PITPNM3: variants seen among roughly 807,000 people sequenced by gnomAD.
PITPNM3 encodes PITPNM family member 3.
Under a neutral mutation model 102.0 loss-of-function variants are expected in PITPNM3, and 26 were observed. The ratio of observed to expected loss-of-function variants is 0.25; its 90% CI spans 0.19 to 0.35. The LOEUF (loss-of-function observed/expected upper bound fraction) is 0.35. PITPNM3 is among the 10% of genes least tolerant of loss of function. PITPNM3 has a pLI of 1.00. For synonymous variants in PITPNM3, 578 were observed against 558.6 expected, an observed-to-expected ratio of 1.03 and a Z score of -0.49; for missense variants, 1,083 against 1,346.1, an observed-to-expected ratio of 0.80 and a Z score of 3.06.
At position 6,472,580 on chromosome 17, in the gene PITPNM3, T is replaced by C. The variant is rs1178875014; in HGVS notation, c.1429+77A>G. Reference sequence around the variant, plus strand: ...TGCTCAGGTGAGTCACCCTACTCACTGAGAGCTTGGAGGGGTTGAATGGGC... The same window carrying C: ...TGCTCAGGTGAGTCACCCTACTCACCGAGAGCTTGGAGGGGTTGAATGGGC... On this transcript the variant is annotated intron_variant, in intron 11 of 19. Transcript: ENST00000262483. This position sits in a 1 kb window ranked among gnomAD's most constrained non-coding sequence, Gnocchi z 4.1. 9 of 1,529,710 alleles carry C rather than the reference T, an allele frequency of 5.9e-6. No homozygotes were observed. The South Asian group carries it at 8.3e-5, about 14-fold the overall frequency. The allele number at this position is 1,529,710 out of a possible 1,614,324, so 94.8% of individuals were successfully genotyped here.
intron 2 of PITPNM3, among the ~76,000 whole-genome samples, chr17:6,536,839 G>T (rs1043045756): frequency 1.3e-5 from 2 of 152,144 alleles, no homozygotes; most frequent in Non-Finnish European, 2.9e-5. Flanking sequence ...CCTAAATATG[G>T]TGACTTCCCA....
Position 6,522,286 on chromosome 17 carries a change from G to GCGCGCA in PITPNM3, c.226+3069_226+3070insTGCGCG, listed in dbSNP as rs145090085. On this transcript the variant is annotated intron_variant, in intron 3 of 19. Coordinates refer to ENST00000262483, the MANE Select transcript of PITPNM3 (RefSeq NM_031220.4). ...GACCCATGAGGTATATTTAGTGTGC[G>GCGCGCA]CACACACACACACACACACACACAC... 6.9e-3 allele frequency among the ~76,000 whole-genome samples: 1,031 copies of GCGCGCA among 149,308 alleles called. 21 individuals are homozygous for GCGCGCA. Among genetic ancestry groups the GCGCGCA allele is most frequent in the African/African-American group, 0.024 (973 of 40,576 alleles).
intron 18 of PITPNM3, chr17:6,460,714 T>G (rs1276070491): frequency 6.5e-6 from 1 of 153,134 alleles, no homozygotes; most frequent in African/African-American, 2.4e-5. Context: ...CAAAACAGGC[T>G]GTGGGCTGGG....
chr17:6,516,559 G>A (rs1164374544), intron 3 of PITPNM3, among the ~76,000 whole-genome samples: 14 of 78,206 alleles, frequency 1.8e-4, no homozygotes, highest in African/African-American at 2.8e-4. Flanking sequence ...GACAGACTCC[G>A]CCTCAAAAAA....
Position 6,477,223 on chromosome 17 carries a change from C to T in PITPNM3, c.901-10G>A. 1 of 1,613,398 alleles carries T rather than the reference C, an allele frequency of 6.2e-7. No individual in the cohort carries two copies. Among genetic ancestry groups the T allele is most frequent in the Non-Finnish European group, 8.5e-7 (1 of 1,179,606 alleles). Reference sequence around the variant, plus strand: ...CCGCGACTGGGGTGTCCTTTGGGACCGAACAGGGGACAGGAGAGAAAAAGA... The same window carrying T: ...CCGCGACTGGGGTGTCCTTTGGGACTGAACAGGGGACAGGAGAGAAAAAGA... On this transcript the variant is annotated splice_polypyrimidine_tract_variant and intron_variant, in intron 8 of 19. Coordinates refer to ENST00000262483, the MANE Select transcript of PITPNM3 (RefSeq NM_031220.4).
intron 3 of PITPNM3, among the ~76,000 whole-genome samples, chr17:6,515,397 C>CAA (rs61420968): frequency 1.5e-3 from 127 of 82,154 alleles, no homozygotes; most frequent in African/African-American, 4.4e-3. Context: ...GACTCCATCT[C>CAA]AAAAAAAAAA....
At chr17:6,493,630 C>A (rs530566808) in intron 4 of PITPNM3, among the ~76,000 whole-genome samples, 1 of 152,312 alleles carries the variant, frequency 6.6e-6, no homozygotes, top group East Asian at 1.9e-4. Flanking sequence ...GAGCTGGTGG[C>A]TGAGGTCCCT....
chr17:6,461,019 C>G (rs535878637), intron 18 of PITPNM3: 6 of 360,980 alleles, frequency 1.7e-5, no homozygotes, highest in Admixed American at 8.2e-5. Context: ...CCTCTGCCCC[C>G]CTGGTTCTGT....
chr17:6,503,164 T>A (rs1907285026), intron 4 of PITPNM3, among the ~76,000 whole-genome samples: 1 of 152,130 alleles, frequency 6.6e-6, no homozygotes, highest in Non-Finnish European at 1.5e-5. Flanking sequence ...ATGTTCCCCA[T>A]CCCCGTCCTC....
intron 3 of PITPNM3, among the ~76,000 whole-genome samples, chr17:6,513,795 A>G (rs568023022): frequency 6.6e-6 from 1 of 152,372 alleles, no homozygotes; most frequent in East Asian, 1.9e-4. Context: ...TAAAATTCAT[A>G]TGGAAGTGCA....
At chr17:6,551,524 C>T (rs1196139258) in intron 1 of PITPNM3, among the ~76,000 whole-genome samples, 1 of 152,244 alleles carries the variant, frequency 6.6e-6, no homozygotes, top group Admixed American at 6.5e-5. Flanking sequence ...TGCCCTAGGG[C>T]TGGGAGTTTC....
chr17:6,458,793 C>A lies in PITPNM3; in HGVS notation c.2491-1071G>T, dbSNP rs1413851914. Among the ~76,000 whole-genome samples the A allele has an allele frequency of 1.3e-5, 2 of 152,110 alleles. No homozygotes were observed. Among genetic ancestry groups the A allele is most frequent in the African/African-American group, 4.8e-5 (2 of 41,408 alleles). On this transcript the variant is annotated intron_variant, in intron 18 of 19. Transcript: ENST00000262483. The surrounding 1 kb of genome is among the most constrained non-coding windows in gnomAD (Gnocchi z 5.1). ...CTCACCCCTTCATCCTCCTCCCACACCTGCCCGGCCAAATCTCAGCCCTGG... is the reference window on the plus strand; with the variant it reads ...CTCACCCCTTCATCCTCCTCCCACAACTGCCCGGCCAAATCTCAGCCCTGG...
At chr17:6,475,301 C>T (rs530356172) in intron 9 of PITPNM3, among the ~76,000 whole-genome samples, 7 of 152,160 alleles carry the variant, frequency 4.6e-5, no homozygotes, top group Non-Finnish European at 8.8e-5. Context: ...CCCACTGTCC[C>T]GGGAAGAATC....
intron 19 of PITPNM3, among the ~76,000 whole-genome samples, chr17:6,456,330 G>GT (rs1212439666): frequency 3.9e-5 from 6 of 152,160 alleles, no homozygotes; most frequent in Non-Finnish European, 8.8e-5. Context: ...ATTCTTGAGG[G>GT]TGGGGAAGCG....
At chr17:6,502,117 C>G (rs1386402345) in intron 4 of PITPNM3, among the ~76,000 whole-genome samples, 2 of 152,240 alleles carry the variant, frequency 1.3e-5, no homozygotes, top group African/African-American at 4.8e-5. Flanking sequence ...CCCTGAAGGG[C>G]TTTGTCTATG....
chr17:6,472,606 TG>T lies in PITPNM3; in HGVS notation c.1429+50del, dbSNP rs1905121341. On this transcript the variant is annotated intron_variant, in intron 11 of 19. Transcript: ENST00000262483. The surrounding 1 kb of genome is among the most constrained non-coding windows in gnomAD (Gnocchi z 4.1). The stretch of plus-strand genomic sequence containing the variant: ...GAGAGCTTGGAGGGGTTGAATGGGC[TG>T]GGGCCCCACCTCCAGCTCAGCACAC... The T allele has an allele frequency of 1.3e-6, 2 of 1,582,634 alleles. No individual in the cohort carries two copies. The highest frequency in any genetic ancestry group is 1.3e-5 in the African/African-American group (1 of 74,206).
chr17:6,492,841 G>A (rs1906576105), intron 4 of PITPNM3, among the ~76,000 whole-genome samples: 1 of 151,596 alleles, frequency 6.6e-6, no homozygotes, highest in African/African-American at 2.4e-5. Context: ...TGGGCAATAA[G>A]AGTGAAACCC....
At chr17:6,550,659 T>C (rs966518997) in intron 1 of PITPNM3, among the ~76,000 whole-genome samples, 6 of 152,222 alleles carry the variant, frequency 3.9e-5, no homozygotes, top group African/African-American at 1.4e-4. Flanking sequence ...TCATAACATA[T>C]GAAGATGTAT....
chr17:6,509,501 C>T (rs1246854806), intron 3 of PITPNM3, among the ~76,000 whole-genome samples: 1 of 152,160 alleles, frequency 6.6e-6, no homozygotes, highest in Non-Finnish European at 1.5e-5. Flanking sequence ...CCGCTGAAGC[C>T]GGAATTTGCC....
Sources: gnomAD v4.1 joint callset for allele counts (sites outside exome capture counted in the v4.1 genomes callset) on GRCh38, gnomAD v4.1.1 for gene constraint, Gnocchi (gnomAD v3.1) non-coding constraint, MANE v1.5 for transcripts, NCBI Gene and HGNC (gene_info 2026-07-23, HGNC 2026-07-21) for gene names.